DPP10: variants seen among roughly 807,000 people sequenced by gnomAD.
DPP10 encodes dipeptidyl peptidase like 10.
A neutral mutation model predicts 120.9 loss-of-function variants in DPP10; 33 were observed. That is an observed-to-expected ratio of 0.27 (90% confidence interval 0.21 to 0.37). DPP10 has a LOEUF of 0.37. Among genes scored for constraint, DPP10 ranks in the 10% least tolerant of loss-of-function variants. The pLI is 1.00. For synonymous variants in DPP10, 337 were observed against 326.1 expected (o/e 1.03, Z -0.36); for missense variants, 816 against 942.8 (o/e 0.87, Z 1.76).
At chr2:114,558,426 C>T (rs1272872619) in intron 1 of DPP10, among the ~76,000 whole-genome samples, 1 of 152,236 alleles carries the variant, frequency 6.6e-6, no homozygotes, top group Non-Finnish European at 1.5e-5. Flanking sequence ...CAGGGCCCTA[C>T]ACATAGTTGG....
chr2:114,906,627 T>G (rs1390007209), intron 1 of DPP10, among the ~76,000 whole-genome samples: 1 of 152,188 alleles, frequency 6.6e-6, no homozygotes, highest in African/African-American at 2.4e-5. Context: ...GAGGTTATTG[T>G]TCTTTAACCT....
At chr2:115,538,009 C>T (rs927171155) in intron 5 of DPP10, among the ~76,000 whole-genome samples, 5 of 151,948 alleles carry the variant, frequency 3.3e-5, no homozygotes, top group Non-Finnish European at 5.9e-5. Flanking sequence ...TCTAGGTAAT[C>T]CAAGGGAGCC....
intron 1 of DPP10, among the ~76,000 whole-genome samples, chr2:114,553,998 A>G (rs1328386510): frequency 1.3e-5 from 2 of 152,228 alleles, no homozygotes; most frequent in African/African-American, 4.8e-5. Context: ...TTTCCAATGT[A>G]CTAGGAAGAA....
intron 21 of DPP10, among the ~76,000 whole-genome samples, chr2:115,832,807 T>G (rs1459545590): frequency 6.6e-6 from 1 of 152,020 alleles, no homozygotes; most frequent in Non-Finnish European, 1.5e-5. Flanking sequence ...ACTGGCACTT[T>G]TTTTTTTTAA....
At chr2:114,706,621 T>C (rs1204658791) in intron 1 of DPP10, among the ~76,000 whole-genome samples, 1 of 152,202 alleles carries the variant, frequency 6.6e-6, no homozygotes, top group Non-Finnish European at 1.5e-5. Context: ...CCATTCTAAA[T>C]CTAGAACCAC....
intron 1 of DPP10, among the ~76,000 whole-genome samples, chr2:115,000,821 T>G (rs1293670996): frequency 6.6e-6 from 1 of 152,184 alleles, no homozygotes; most frequent in East Asian, 1.9e-4. Context: ...AAAATCCATA[T>G]GCTTGAAAAT....
intron 3 of DPP10, among the ~76,000 whole-genome samples, chr2:115,446,608 G>A (rs2072615594): frequency 6.6e-6 from 1 of 152,130 alleles, no homozygotes; most frequent in Non-Finnish European, 1.5e-5. Flanking sequence ...GAATGTTTCT[G>A]TGTCTCTTTG....
intron 5 of DPP10, among the ~76,000 whole-genome samples, chr2:115,646,734 A>C (rs1222979235): frequency 2.0e-5 from 3 of 152,180 alleles, no homozygotes; most frequent in African/African-American, 7.2e-5. Context: ...CAAATTCTAA[A>C]AAAGTTGACA....
intron 1 of DPP10, among the ~76,000 whole-genome samples, chr2:115,032,675 G>T (rs1290779833): frequency 6.6e-6 from 1 of 151,882 alleles, no homozygotes; most frequent in Admixed American, 6.6e-5. Flanking sequence ...GAGGTCAGGA[G>T]TTTGAGACCA....
chr2:115,719,885 C>G (rs778395295), intron 7 of DPP10, among the ~76,000 whole-genome samples: 7 of 152,100 alleles, frequency 4.6e-5, no homozygotes, highest in Non-Finnish European at 7.4e-5. Flanking sequence ...ATTGAAAAAC[C>G]TGTATTCTGA....
intron 1 of DPP10, among the ~76,000 whole-genome samples, chr2:114,594,408 A>ATAT (rs1691722080): frequency 6.7e-6 from 1 of 149,084 alleles, no homozygotes; most frequent in Non-Finnish European, 1.5e-5. Flanking sequence ...TCCCTTTTAC[A>ATAT]TATATGTGAA....
chr2:115,220,229 C>T (rs1252486260), intron 1 of DPP10, among the ~76,000 whole-genome samples: 3 of 152,100 alleles, frequency 2.0e-5, no homozygotes, highest in Non-Finnish European at 4.4e-5. Context: ...GTATCACCTG[C>T]TTCATTTTAT....
intron 1 of DPP10, among the ~76,000 whole-genome samples, chr2:114,942,706 G>A (rs893397916): frequency 2.0e-5 from 3 of 151,648 alleles, no homozygotes; most frequent in Admixed American, 6.6e-5. Context: ...TCTTATTATT[G>A]CCTTTTACTA....
At chr2:115,221,512 G>A (rs2105419403) in intron 1 of DPP10, among the ~76,000 whole-genome samples, 1 of 152,236 alleles carries the variant, frequency 6.6e-6, no homozygotes, top group East Asian at 1.9e-4. Flanking sequence ...AAGGGGATGT[G>A]ACAGTAACTA....
intron 1 of DPP10, among the ~76,000 whole-genome samples, chr2:114,919,348 C>T (rs954391392): frequency 5.3e-5 from 8 of 152,258 alleles, no homozygotes; most frequent in South Asian, 2.1e-4. Context: ...GCTTCCTAAA[C>T]GACAGAGCTC....
chr2:114,816,412 A>T lies in DPP10; in HGVS notation c.60+373574A>T, dbSNP rs554675189. 2.4e-4 allele frequency among the ~76,000 whole-genome samples: 37 copies of T among 152,202 alleles called. 1 individual carries two copies. The highest frequency in any genetic ancestry group is 4.7e-4 in the Non-Finnish European group (32 of 68,030). On this transcript the variant is annotated intron_variant, in intron 1 of 25. Coordinates refer to ENST00000410059, the MANE Select transcript of DPP10 (RefSeq NM_020868.6). ...AAAACTTTATTTACACAAATAGGTGATGGGCTAGACTTGGTCCATGGGCCA... is the reference window on the plus strand; with the variant it reads ...AAAACTTTATTTACACAAATAGGTGTTGGGCTAGACTTGGTCCATGGGCCA...
intron 1 of DPP10, among the ~76,000 whole-genome samples, chr2:114,812,394 G>A (rs1245468994): frequency 6.6e-6 from 1 of 152,006 alleles, no homozygotes; most frequent in Non-Finnish European, 1.5e-5. Context: ...TTGAGCCCAG[G>A]AGTTCACATG....
At chr2:114,991,584 T>C (rs1283226683) in intron 1 of DPP10, among the ~76,000 whole-genome samples, 2 of 152,178 alleles carry the variant, frequency 1.3e-5, no homozygotes, top group Non-Finnish European at 2.9e-5. Context: ...CTACAAACTT[T>C]GGAAGATGTT....
intron 2 of DPP10, among the ~76,000 whole-genome samples, chr2:115,320,583 A>G (rs1482272166): frequency 6.6e-6 from 1 of 152,078 alleles, no homozygotes; most frequent in Non-Finnish European, 1.5e-5. Context: ...CTTATGTTCA[A>G]TCACATACAC....
Sources: gnomAD v4.1 joint callset for allele counts (sites outside exome capture counted in the v4.1 genomes callset) on GRCh38, gnomAD v4.1.1 for gene constraint, MANE v1.5 for transcripts, NCBI Gene and HGNC (gene_info 2026-07-23, HGNC 2026-07-21) for gene names.